CTNNAL1: variants seen among roughly 807,000 people sequenced by gnomAD.
The protein encoded by CTNNAL1 is alpha-catulin.
CTNNAL1 carries 69 observed loss-of-function variants against 93.6 expected under a neutral mutation model. The observed-to-expected ratio is 0.74, with a 90% CI of 0.61 to 0.90. The LOEUF (loss-of-function observed/expected upper bound fraction) is 0.90, where lower values mean the gene tolerates loss of function less well. Ranked by LOEUF, CTNNAL1 falls within the 40% of genes least tolerant of loss-of-function variation. The pLI is 0.00. For missense variants in CTNNAL1, 836 were observed against 862.0 expected (o/e 0.97, Z 0.38); for synonymous variants, 286 against 305.4 (o/e 0.94, Z 0.66).
Position 108,968,611 on chromosome 9 carries a change from T to G in CTNNAL1, c.1440+1791A>C, listed in dbSNP as rs113111065. 2.7e-3 allele frequency among the ~76,000 whole-genome samples: 406 copies of G among 152,268 alleles called. 2 individuals carry two copies. Among genetic ancestry groups the G allele is most frequent in the African/African-American group, 9.2e-3 (383 of 41,554 alleles). On this transcript the variant is annotated intron_variant, in intron 10 of 18. Coordinates refer to ENST00000325551, the MANE Select transcript of CTNNAL1 (RefSeq NM_003798.4). ...CAGTTTCTCCCAGTAAACAGATCCC[T>G]TGGTTGTAATAAAGTGTTCAGCAGA...
intron 4 of CTNNAL1, among the ~76,000 whole-genome samples, chr9:108,988,185 G>A (rs1831673965): frequency 6.6e-6 from 1 of 152,214 alleles, no homozygotes; most frequent in African/African-American, 2.4e-5. Flanking sequence ...CCAGGTTCAA[G>A]TAATTCTTGT....
At chr9:108,972,864 G>GGGGGGGGGGGGGGGCCCCC in intron 8 of CTNNAL1, 31 bp from the exon 9 acceptor site, 1 of 142,584 alleles carries the variant, frequency 7.0e-6, no homozygotes, top group Non-Finnish European at 1.0e-5. Context: ...GGGGGGGTGG[G>GGGGGGGGGGGGGGGCCCCC]AGGGTGGAGA....
intron 8 of CTNNAL1, among the ~76,000 whole-genome samples, chr9:108,975,298 G>T (rs966766117): frequency 6.6e-6 from 1 of 150,700 alleles, no homozygotes; most frequent in Admixed American, 6.6e-5. Context: ...GCCTCAAAGC[G>T]CAGGGAGCAA....
chr9:108,986,368 T>C (rs1366029047), intron 4 of CTNNAL1, among the ~76,000 whole-genome samples: 9 of 148,660 alleles, frequency 6.1e-5, no homozygotes, highest in Middle Eastern at 3.5e-3. Context: ...CATCATTTTT[T>C]ATGGCTGCAT....
At chr9:108,972,864 G>GCCCCCCCCCCCCCCCCC in intron 8 of CTNNAL1, 31 bp from the exon 9 acceptor site, 1 of 142,584 alleles carries the variant, frequency 7.0e-6, no homozygotes, top group Non-Finnish European at 1.0e-5. Context: ...GGGGGGGTGG[G>GCCCCCCCCCCCCCCCCC]AGGGTGGAGA....
intron 14 of CTNNAL1, among the ~76,000 whole-genome samples, chr9:108,948,467 A>C (rs1322825649): frequency 6.6e-6 from 1 of 152,210 alleles, no homozygotes; most frequent in Non-Finnish European, 1.5e-5. Flanking sequence ...TAATATAAAA[A>C]ATTTTAAACA....
At position 109,001,344 on chromosome 9, in the gene CTNNAL1, G is replaced by C. The variant is rs573717327; in HGVS notation, c.142-2088C>G. Among the ~76,000 whole-genome samples the C allele has an allele frequency of 2.6e-5, 4 of 152,172 alleles. No individual in the cohort carries two copies. In the South Asian group the frequency reaches 6.2e-4, roughly 24 times the overall value. The stretch of plus-strand genomic sequence containing the variant: ...TCCGCAGTGGTTTGAAATCACTGAA[G>C]GTTTTTTAAGCAGGAAAGTGATATA... On this transcript the variant is annotated intron_variant, in intron 1 of 18. Transcript: ENST00000325551.
At chr9:108,944,951 A>G (rs758893738) in intron 15 of CTNNAL1, among the ~76,000 whole-genome samples, 1 of 152,208 alleles carries the variant, frequency 6.6e-6, no homozygotes, top group Admixed American at 6.5e-5. Context: ...CTTTACATCT[A>G]GACTCCAACC....
intron 9 of CTNNAL1, among the ~76,000 whole-genome samples, chr9:108,972,263 GT>G: frequency 6.6e-6 from 1 of 152,108 alleles, no homozygotes. Flanking sequence ...CTCATGTATG[GT>G]TTCCCCCATG....
intron 15 of CTNNAL1, among the ~76,000 whole-genome samples, chr9:108,946,774 A>C (rs1254976959): frequency 6.6e-6 from 1 of 152,216 alleles, no homozygotes; most frequent in East Asian, 1.9e-4. Flanking sequence ...GAAGTATGCA[A>C]TTTTATGTTC....
intron 6 of CTNNAL1, among the ~76,000 whole-genome samples, chr9:108,982,401 A>G (rs1420164143): frequency 6.6e-6 from 1 of 152,236 alleles, no homozygotes; most frequent in Non-Finnish European, 1.5e-5. Flanking sequence ...AATTTTAATT[A>G]TTACTAATAC....
chr9:108,971,034 T>C (rs938471023), intron 9 of CTNNAL1, among the ~76,000 whole-genome samples: 49 of 152,200 alleles, frequency 3.2e-4, no homozygotes, highest in Non-Finnish European at 5.9e-4. Flanking sequence ...AACATTTTTT[T>C]TTTCAATGTT....
chr9:108,977,226 T>C (rs983779890), intron 7 of CTNNAL1, 178 bp from the exon 8 acceptor site: 32 of 369,704 alleles, frequency 8.7e-5, no homozygotes, highest in African/African-American at 4.0e-4. Context: ...AGTTTAGTTA[T>C]ATTTTTCAAT....
At chr9:108,950,422 T>C in intron 14 of CTNNAL1, 2 of 1,413,716 alleles carry the variant, frequency 1.4e-6, no homozygotes, top group Middle Eastern at 2.3e-4. Flanking sequence ...TCTCCAATGA[T>C]GGAAAATATG....
chr9:108,995,887 T>C (rs1831997098), intron 2 of CTNNAL1, among the ~76,000 whole-genome samples: 1 of 152,130 alleles, frequency 6.6e-6, no homozygotes, highest in Non-Finnish European at 1.5e-5. Flanking sequence ...AAATGTTTAA[T>C]AGATTGCCCA....
intron 8 of CTNNAL1, among the ~76,000 whole-genome samples, chr9:108,976,515 T>C (rs982150015): frequency 1.3e-5 from 2 of 152,080 alleles, no homozygotes; most frequent in African/African-American, 4.8e-5. Flanking sequence ...AAAATAACTA[T>C]GTCAAAGGAA....
chr9:108,948,158 AC>A (rs756918246), intron 15 of CTNNAL1, 27 bp downstream of exon 15: 8 of 1,608,592 alleles, frequency 5.0e-6, no homozygotes, highest in Non-Finnish European at 6.8e-6. Context: ...AAATTAAAGT[AC>A]TAGCATAAAA....
intron 6 of CTNNAL1, among the ~76,000 whole-genome samples, chr9:108,980,221 C>G (rs992868326): frequency 6.6e-6 from 1 of 152,158 alleles, no homozygotes; most frequent in Non-Finnish European, 1.5e-5. Context: ...CCCTAACAAC[C>G]TTTCACTTCA....
chr9:108,984,028 G>C (rs1831522422), intron 5 of CTNNAL1, among the ~76,000 whole-genome samples: 1 of 152,204 alleles, frequency 6.6e-6, no homozygotes, highest in Admixed American at 6.5e-5. Context: ...TTTTTCTAGA[G>C]CATATGTGCT....
Sources: gnomAD v4.1 joint callset for allele counts (sites outside exome capture counted in the v4.1 genomes callset) on GRCh38, gnomAD v4.1.1 for gene constraint, MANE v1.5 for transcripts, NCBI Gene and HGNC (gene_info 2026-07-23, HGNC 2026-07-21) for gene names.